NABP1: variants seen among roughly 807,000 people sequenced by gnomAD.
The protein encoded by NABP1 is SOSS complex subunit B2.
NABP1 carries 18 observed loss-of-function variants against 25.0 expected under a neutral mutation model. The observed-to-expected ratio is 0.72, with a 90% confidence interval of 0.50 to 1.07. The LOEUF (loss-of-function observed/expected upper bound fraction) is 1.07. NABP1 is among the 50% of genes least tolerant of loss of function. The pLI, the probability that NABP1 is intolerant of heterozygous loss-of-function variation, is 0.00. For synonymous variants in NABP1, 71 were observed against 85.0 expected, an observed-to-expected ratio of 0.84 and a Z score of 0.91; for missense variants, 270 against 255.6, an observed-to-expected ratio of 1.06 and a Z score of -0.39.
rs918962758 is a variant in NABP1 at position 191,686,242 on chromosome 2, A to G, written c.*474A>G. 1 of 152,654 alleles carries G rather than the reference A, an allele frequency of 6.6e-6. No homozygotes were observed. The highest frequency in any genetic ancestry group is 2.4e-5 in the African/African-American group (1 of 41,458). 9.5% of individuals were successfully genotyped at this position (152,654 alleles called of 1,614,324 possible). A position where few individuals can be genotyped will look rare whatever the true frequency, so the allele number is the denominator to read the frequency against. ...TTTTTGAGTGTTTGTGGCTCTCGGA[A>G]TGATTGACTTCGTTCAGTGACTACT... On this transcript the variant is annotated 3_prime_UTR_variant, in exon 6 of 6. Coordinates refer to ENST00000425611, the MANE Select transcript of NABP1 (RefSeq NM_001031716.5).
chr2:191,679,177 T>C (rs1369616397), intron 2 of NABP1, 49 bp downstream of exon 2: 3 of 1,610,518 alleles, frequency 1.9e-6, no homozygotes, highest in Non-Finnish European at 2.5e-6. Context: ...AGAATCGGGA[T>C]TGGCCGGCTC....
chr2:191,684,241 A>G lies in NABP1; in HGVS notation c.390A>G (p.Glu130=). ...RGQQNKGAQS[E]QKNNSMNSNM... The stretch of plus-strand genomic sequence containing the variant: ...AAACTTTTTTTTAGGCACAGAGTGA[A>G]CAGAAGAATAATTCCATGAATAGTA... Residue 130 remains glutamate, a synonymous_variant, in exon 5 of 6, where the codon GAA becomes GAG. Transcript: ENST00000425611. The G allele has an allele frequency of 6.5e-7, 1 of 1,544,972 alleles. No individual in the cohort carries two copies. The highest frequency in any genetic ancestry group is 8.7e-7 in the Non-Finnish European group (1 of 1,155,030).
Position 191,683,033 on chromosome 2 carries a change from T to C in NABP1, c.303-696T>C, listed in dbSNP as rs962664057. 1 of 157,284 alleles carries C rather than the reference T, an allele frequency of 6.4e-6. No homozygotes were observed. Among genetic ancestry groups the C allele is most frequent in the Non-Finnish European group, 1.4e-5 (1 of 71,382 alleles). The allele number at this position is 157,284 out of a possible 1,614,324, so 9.7% of individuals were successfully genotyped here. ...ACAGAGGTGTTGATAATAATGGAGG[T>C]CAGTTACGTGAAAAACCGTTAGAGG... On this transcript the variant is annotated intron_variant, in intron 3 of 5. Transcript: ENST00000425611. This position sits in a 1 kb window ranked among gnomAD's most constrained non-coding sequence, Gnocchi z 4.1.
At position 191,678,993 on chromosome 2, in the gene NABP1, G is replaced by T. The variant is rs199539482; in HGVS notation, c.95G>T (p.Arg32Leu). The change falls in exon 2 of 6, where the codon CGC (arginine) becomes CTC (leucine). Residue 32 changes from arginine to leucine, a missense_variant. Physicochemically the swap from Arg to Leu is moderately radical, Grantham distance 102. Coordinates refer to ENST00000425611, the MANE Select transcript of NABP1 (RefSeq NM_001031716.5). Reference protein sequence around the residue: ...NVVFIVLEIGRVTKTKDGHEV... With the variant: ...NVVFIVLEIGLVTKTKDGHEV... ...TTTGATTTTTAAATCCTCACAGGAC[G>T]CGTGACCAAAACCAAAGACGGCCAT... The T allele has an allele frequency of 1.2e-6, 2 of 1,614,212 alleles. No homozygotes were observed. The highest frequency in any genetic ancestry group is 1.7e-6 in the Non-Finnish European group (2 of 1,180,046).
intron 3 of NABP1, chr2:191,682,705 A>C: frequency 4.2e-6 from 1 of 236,276 alleles, no homozygotes; most frequent in Non-Finnish European, 9.3e-6. Context: ...TCTGCCATCT[A>C]CTTAATGCCT....
In NABP1 at chr2:191,685,770, C is replaced by T; in HGVS notation, c.*2C>T. On this transcript the variant is annotated 3_prime_UTR_variant, in exon 6 of 6. Transcript: ENST00000425611. ...CCTCGGAGAGCCTTTAAAAGATGAC[C>T]TATGCTAAATACTCATGTGTAGTTT... The T allele has an allele frequency of 6.2e-7, 1 of 1,613,716 alleles. No individual in the cohort carries two copies. Among genetic ancestry groups the T allele is most frequent in the South Asian group, 1.1e-5 (1 of 91,054 alleles).
chr2:191,679,227 G>A (rs1281854089), intron 2 of NABP1, 99 bp downstream of exon 2: 44 of 1,451,788 alleles, frequency 3.0e-5, no homozygotes, highest in Non-Finnish European at 4.0e-5. Context: ...CGCCTTTTCT[G>A]TGGGCCACTC....
chr2:191,678,729 C>T (rs1574753913), intron 1 of NABP1, 24 bp downstream of exon 1: 9 of 1,589,562 alleles, frequency 5.7e-6, no homozygotes, highest in Non-Finnish European at 7.7e-6. Context: ...GCAGCCTACT[C>T]CACCGCCCGC....
At chr2:191,682,490 A>G (rs1490416497) in intron 3 of NABP1, 1 of 470,816 alleles carries the variant, frequency 2.1e-6, no homozygotes. Flanking sequence ...ATTTATCCAC[A>G]GTCTAGGTGC....
In NABP1 at chr2:191,678,662, C is replaced by T; in HGVS notation, c.48C>T (p.Pro16=). 1.2e-6 allele frequency: 2 copies of T among 1,613,796 alleles called. No individual in the cohort carries two copies. The highest frequency in any genetic ancestry group is 1.3e-5 in the African/African-American group (1 of 75,024). ...DPLIFIRDIK[P]GLKNLNVVFI... is the part of the protein sequence containing the mutation. ...TTATTTTTATAAGAGATATTAAGCC[C>T]GGACTGAAAAACTTAAATGTCGTCT... Residue 16 remains proline, a synonymous_variant, in exon 1 of 6, where the codon CCC becomes CCT. Coordinates refer to ENST00000425611, the MANE Select transcript of NABP1 (RefSeq NM_001031716.5).
intron 3 of NABP1, chr2:191,682,359 A>G: frequency 8.2e-6 from 3 of 367,886 alleles, no homozygotes; most frequent in Non-Finnish European, 1.6e-5. Flanking sequence ...GATTCACCAT[A>G]TACGAAGCTA....
chr2:191,682,656 A>G (rs770491499), intron 3 of NABP1: 23 of 448,416 alleles, frequency 5.1e-5, no homozygotes, highest in Non-Finnish European at 5.6e-5. Flanking sequence ...TGGTACAGGC[A>G]ATGAGCCAAA....
rs756679725 is a variant in NABP1, at chr2:191,678,713, G to A, written c.91+8G>A. On this transcript the variant is annotated splice_region_variant and intron_variant, in intron 1 of 5. Transcript: ENST00000425611. ...TTATTGTCCTGGAGATAGGTAAGTG[G>A]GGTTTGCAGCCTACTCCACCGCCCG... 2.5e-6 allele frequency: 4 copies of A among 1,610,868 alleles called. No individual in the cohort carries two copies. Among genetic ancestry groups the A allele is most frequent in the Non-Finnish European group, 3.4e-6 (4 of 1,178,272 alleles).
At chr2:191,681,915 T>G in intron 2 of NABP1, 31 bp from the exon 3 acceptor site, 1 of 1,366,418 alleles carries the variant, frequency 7.3e-7, no homozygotes, top group Non-Finnish European at 9.9e-7. Flanking sequence ...TAAATATATT[T>G]CTAAAGAATT....
chr2:191,682,591 G>A (rs538139852), intron 3 of NABP1: 10 of 470,788 alleles, frequency 2.1e-5, no homozygotes, highest in African/African-American at 1.8e-4. Context: ...CTCTAGGGGT[G>A]TAAGGTAATT....
intron 3 of NABP1, 72 bp downstream of exon 3, chr2:191,682,089 G>T: frequency 1.0e-6 from 1 of 970,370 alleles, no homozygotes; most frequent in South Asian, 2.2e-5. Flanking sequence ...TGGTAGGTAT[G>T]AATTGTAAAC....
intron 1 of NABP1, 57 bp downstream of exon 1, chr2:191,678,762 A>G: frequency 6.6e-7 from 1 of 1,511,612 alleles, no homozygotes; most frequent in Admixed American, 2.0e-5. Flanking sequence ...GGCGGGAGAC[A>G]GGGGCGCCGG....
intron 1 of NABP1, 48 bp downstream of exon 1, chr2:191,678,753 G>C: frequency 6.5e-7 from 1 of 1,542,386 alleles, no homozygotes; most frequent in Non-Finnish European, 8.9e-7. Context: ...GCCTCCCGGG[G>C]CGGGAGACAG....
chr2:191,679,715 A>G lies in NABP1; in HGVS notation c.230+587A>G, dbSNP rs140858496. Reference sequence around the variant, plus strand: ...CTATTCTGAGTCAGTGAGTCTTTTTAGGAGACTGGTATAGTCCATATTTTT... The same window carrying G: ...CTATTCTGAGTCAGTGAGTCTTTTTGGGAGACTGGTATAGTCCATATTTTT... On this transcript the variant is annotated intron_variant, in intron 2 of 5. Coordinates refer to ENST00000425611, the MANE Select transcript of NABP1 (RefSeq NM_001031716.5). 4.8e-3 allele frequency among the ~76,000 whole-genome samples: 726 copies of G among 152,312 alleles called. 5 individuals carry two copies. The highest frequency in any genetic ancestry group is 0.01 in the Middle Eastern group (3 of 294).
Sources: allele counts gnomAD v4.1 joint callset (sites outside exome capture counted in the v4.1 genomes callset), GRCh38; gene constraint gnomAD v4.1.1; non-coding constraint Gnocchi (gnomAD v3.1); transcripts MANE v1.5; gene names NCBI Gene and HGNC (gene_info 2026-07-23, HGNC 2026-07-21).